Variants in FNBP1L observed in about 807,000 individuals in gnomAD.
FNBP1L encodes formin binding protein 1 like, also known as formin-binding protein 1-like.
Under a neutral mutation model 91.2 loss-of-function variants are expected in FNBP1L, and 36 were observed. The ratio of observed to expected loss-of-function variants is 0.39; its 90% CI spans 0.30 to 0.52. The LOEUF is 0.52. Among genes scored for constraint, FNBP1L ranks in the 20% least tolerant of loss-of-function variants. The probability of loss-of-function intolerance (pLI) is 0.66; values close to 1 mark genes in which losing one functional copy is unlikely to be tolerated. For missense variants in FNBP1L, 571 were observed against 732.1 expected (o/e 0.78, Z 2.54); for synonymous variants, 242 against 237.0 (o/e 1.02, Z -0.19).
chr1:93,499,730 A>G (rs1670382961), intron 2 of FNBP1L, 147 bp downstream of exon 2: 2 of 584,544 alleles, frequency 3.4e-6, no homozygotes, highest in Non-Finnish European at 6.0e-6. Flanking sequence ...TTAATGATTA[A>G]TTAAGTCATT....
intron 2 of FNBP1L, among the ~76,000 whole-genome samples, chr1:93,517,968 A>G (rs1191763394): frequency 2.0e-5 from 3 of 152,248 alleles, no homozygotes; most frequent in Non-Finnish European, 4.4e-5. Flanking sequence ...TGTTGTAAGC[A>G]TAAGATTATA....
At chr1:93,550,533 T>C (rs762444183) in intron 15 of FNBP1L, among the ~76,000 whole-genome samples, 2 of 152,194 alleles carry the variant, frequency 1.3e-5, no homozygotes, top group African/African-American at 2.4e-5. Context: ...TCAGACTCTC[T>C]TTTTTCCTTC....
chr1:93,512,378 A>G (rs2101738795), intron 2 of FNBP1L, among the ~76,000 whole-genome samples: 1 of 151,836 alleles, frequency 6.6e-6, no homozygotes, highest in East Asian at 1.9e-4. Context: ...CAGAAAGTCA[A>G]CAAGGATACC....
At chr1:93,550,203 G>C (rs557170851) in intron 15 of FNBP1L, among the ~76,000 whole-genome samples, 12 of 152,154 alleles carry the variant, frequency 7.9e-5, no homozygotes, top group Non-Finnish European at 1.6e-4. Context: ...AGACCTTGCA[G>C]CCAAGTGCAG....
intron 1 of FNBP1L, among the ~76,000 whole-genome samples, chr1:93,492,738 A>G (rs953101265): frequency 1.3e-5 from 2 of 152,134 alleles, no homozygotes; most frequent in African/African-American, 4.8e-5. Context: ...GCAGTGAGCT[A>G]TGATGGTGCC....
At chr1:93,550,233 C>T (rs1436793564) in intron 15 of FNBP1L, among the ~76,000 whole-genome samples, 1 of 152,156 alleles carries the variant, frequency 6.6e-6, no homozygotes, top group Non-Finnish European at 1.5e-5. Flanking sequence ...CCTATAGTCC[C>T]AGACACTTGG....
chr1:93,537,885 G>A (rs887003497), intron 10 of FNBP1L, among the ~76,000 whole-genome samples: 5 of 152,166 alleles, frequency 3.3e-5, no homozygotes, highest in African/African-American at 1.2e-4. Flanking sequence ...AAGAGATGTG[G>A]TCTTGCTCTG....
At chr1:93,541,584 G>C (rs550301350) in intron 11 of FNBP1L, among the ~76,000 whole-genome samples, 1 of 151,738 alleles carries the variant, frequency 6.6e-6, no homozygotes, top group East Asian at 1.9e-4. Flanking sequence ...GTGTTTGTGT[G>C]GGGGGTGGGG....
At position 93,530,938 on chromosome 1, in the gene FNBP1L, A is replaced by G. The variant is rs1671654671; in HGVS notation, c.639+55A>G. 9.3e-6 allele frequency: 13 copies of G among 1,392,106 alleles called. No homozygotes were observed. In the East Asian group the frequency reaches 1.8e-4, roughly 20 times the overall value. 86.2% of individuals were successfully genotyped at this position (1,392,106 alleles called of 1,614,324 possible). A position where few individuals can be genotyped will look rare whatever the true frequency, so the allele number is the denominator to read the frequency against. On this transcript the variant is annotated intron_variant, in intron 7 of 16. Coordinates refer to ENST00000271234, the MANE Select transcript of FNBP1L (RefSeq NM_001164473.3). ...TTTAGATTAACTGGTGTTTAAATAT[A>G]AAACTTGTAAGTCTTAGACATCAGA...
At chr1:93,543,985 T>TC in intron 11 of FNBP1L, 122 bp from the exon 12 acceptor site, 1 of 583,684 alleles carries the variant, frequency 1.7e-6, no homozygotes, top group Non-Finnish European at 2.8e-6. Context: ...TTTAAGGGGT[T>TC]GCTTGAGGCA....
intron 7 of FNBP1L, among the ~76,000 whole-genome samples, chr1:93,532,207 G>A (rs1367337850): frequency 6.6e-6 from 1 of 151,828 alleles, no homozygotes; most frequent in Non-Finnish European, 1.5e-5. Context: ...AGTGGCTCAC[G>A]CCTGTAATCC....
At chr1:93,528,334 G>A (rs1240536319) in intron 5 of FNBP1L, among the ~76,000 whole-genome samples, 2 of 151,938 alleles carry the variant, frequency 1.3e-5, no homozygotes, top group Non-Finnish European at 2.9e-5. Context: ...AAACAAACAT[G>A]GTTTATACAA....
At chr1:93,465,114 C>A (rs76478105) in intron 1 of FNBP1L, among the ~76,000 whole-genome samples, 2,001 of 150,074 alleles carry the variant, frequency 0.013, 43 homozygotes, top group African/African-American at 0.047. Flanking sequence ...TTTGTGGGGT[C>A]AGGTTTTTCT....
At chr1:93,468,180 T>TTCATATAAATGGAATTATA (rs1669154490) in intron 1 of FNBP1L, among the ~76,000 whole-genome samples, 1 of 152,338 alleles carries the variant, frequency 6.6e-6, no homozygotes, top group Non-Finnish European at 1.5e-5. Context: ...TTCTGGACAT[T>TTCATATAAATGGAATTATA]TCATATAAAT....
intron 1 of FNBP1L, among the ~76,000 whole-genome samples, chr1:93,494,674 CAAATGT>C (rs1461722519): frequency 1.3e-5 from 2 of 152,120 alleles, no homozygotes; most frequent in African/African-American, 4.8e-5. Flanking sequence ...GGGTGGAGAC[CAAATGT>C]ATATATTTCT....
chr1:93,480,194 T>C (rs1031464926), intron 1 of FNBP1L, among the ~76,000 whole-genome samples: 1 of 152,182 alleles, frequency 6.6e-6, no homozygotes, highest in African/African-American at 2.4e-5. Flanking sequence ...TTTTATGATT[T>C]TACTGAACCT....
chr1:93,504,726 A>G (rs2101729724), intron 2 of FNBP1L, among the ~76,000 whole-genome samples: 1 of 152,254 alleles, frequency 6.6e-6, no homozygotes, highest in East Asian at 1.9e-4. Context: ...TTCCCTGACC[A>G]TTTGTGTATC....
intron 1 of FNBP1L, among the ~76,000 whole-genome samples, chr1:93,459,900 C>G (rs1215294944): frequency 2.0e-5 from 3 of 151,036 alleles, no homozygotes; most frequent in Non-Finnish European, 4.4e-5. Context: ...TGCCCCTTCT[C>G]TGAAATGGTT....
chr1:93,533,186 C>A, intron 8 of FNBP1L, 118 bp downstream of exon 8: 2 of 768,792 alleles, frequency 2.6e-6, no homozygotes, highest in Non-Finnish European at 3.9e-6. Context: ...AAATTATATT[C>A]TGTAGAAGAA....
Sources: gnomAD v4.1 joint callset for allele counts (sites outside exome capture counted in the v4.1 genomes callset) on GRCh38, gnomAD v4.1.1 for gene constraint, MANE v1.5 for transcripts, NCBI Gene and HGNC (gene_info 2026-07-23, HGNC 2026-07-21) for gene names.